The following GSN variants were observed in gnomAD, a reference collection of about 807,000 sequenced individuals.
The protein encoded by GSN is actin-depolymerizing factor.
Under a neutral mutation model 85.7 loss-of-function variants are expected in GSN, and 56 were observed. That is an observed-to-expected ratio of 0.65 (90% CI 0.53 to 0.82). The LOEUF is 0.82. Among genes scored for constraint, GSN ranks in the 40% least tolerant of loss-of-function variants. The pLI is 0.00. For synonymous variants in GSN, 373 were observed against 399.1 expected (o/e 0.93, Z 0.78); for missense variants, 857 against 979.8 (o/e 0.87, Z 1.67).
intron 1 of GSN, 35 bp downstream of exon 1, chr9:121,268,254 T>TGGG (rs1374917809): frequency 6.6e-6 from 1 of 151,928 alleles, no homozygotes; most frequent in African/African-American, 2.4e-5. Context: ...CCCGGGCATC[T>TGGG]GGGGGTCCCG....
intron 1 of GSN, among the ~76,000 whole-genome samples, chr9:121,273,474 C>A (rs185656124): frequency 6.6e-6 from 1 of 152,054 alleles, no homozygotes; most frequent in Non-Finnish European, 1.5e-5. Context: ...CTTTTCCCCC[C>A]ACCCTTATTA....
At chr9:121,317,349 T>C (rs1176209274) in intron 8 of GSN, 131 bp downstream of exon 8, 7 of 1,039,456 alleles carry the variant, frequency 6.7e-6, no homozygotes, top group Non-Finnish European at 7.5e-6. Context: ...AGTCTTGGGC[T>C]GAGGCCTTGG....
At chr9:121,302,195 C>T (rs1398729349) in intron 3 of GSN, 28 bp downstream of exon 3, 2 of 1,612,022 alleles carry the variant, frequency 1.2e-6, no homozygotes, top group Non-Finnish European at 1.7e-6. Context: ...CAGCCCCTGC[C>T]CCAGCCCCCA....
intron 4 of GSN, among the ~76,000 whole-genome samples, chr9:121,213,595 T>C (rs55689715): frequency 0.24 from 36,066 of 152,198 alleles, 4,579 homozygotes; most frequent in African/African-American, 0.31. Context: ...ATCCTGACTC[T>C]GCCGTCAGCT....
intron 14 of GSN, among the ~76,000 whole-genome samples, chr9:121,328,250 TAACAG>T (rs2063468148): frequency 6.6e-6 from 1 of 152,198 alleles, no homozygotes; most frequent in Non-Finnish European, 1.5e-5. Context: ...GCTTGATGCT[TAACAG>T]AAATGGTGAA....
chr9:121,281,854 A>G (rs1314609930), intron 2 of GSN: 5 of 471,120 alleles, frequency 1.1e-5, no homozygotes, highest in Non-Finnish European at 2.2e-5. Context: ...TGACTTTAGG[A>G]GAGTTGCTTT....
rs558873177 is a variant in GSN at position 121,318,213 on chromosome 9, C to G, written c.887-193C>G. Among the ~76,000 whole-genome samples the G allele has an allele frequency of 1.3e-5, 2 of 152,306 alleles. No homozygotes were observed. The highest frequency in any genetic ancestry group is 4.8e-5 in the African/African-American group (2 of 41,556). On this transcript the variant is annotated intron_variant, in intron 8 of 17. Coordinates refer to ENST00000432226, the MANE Select transcript of GSN (RefSeq NM_198252.3). This position sits in a 1 kb window ranked among gnomAD's most constrained non-coding sequence, Gnocchi z 4.3. ...CACAGTAGTGTTGTGATTGGTGTCA[C>G]TGGCCAGCCCCAGGCTGGACACCAG...
chr9:121,202,141 A>C, the GSN span, among the ~76,000 whole-genome samples: 1 of 152,222 alleles, frequency 6.6e-6, no homozygotes, highest in Non-Finnish European at 1.5e-5. Context: ...GCTACTGCGC[A>C]GGTCTGCGTG....
At chr9:121,257,584 G>A (rs1385297648) in intron 6 of GSN, among the ~76,000 whole-genome samples, 1 of 152,178 alleles carries the variant, frequency 6.6e-6, no homozygotes, top group Non-Finnish European at 1.5e-5. Context: ...AGAAAACTGA[G>A]GCTCACCCAG....
intron 1 of GSN, among the ~76,000 whole-genome samples, chr9:121,273,398 A>G (rs2056253773): frequency 6.6e-6 from 1 of 152,088 alleles, no homozygotes; most frequent in African/African-American, 2.4e-5. Context: ...AATACTAGTT[A>G]ACTTGTTGGG....
At chr9:121,204,098 C>G (rs1395020927), upstream of GSN, among the ~76,000 whole-genome samples, 1 of 152,178 alleles carries the variant, frequency 6.6e-6, no homozygotes, top group Non-Finnish European at 1.5e-5. Context: ...GAAGGGAGAT[C>G]TTTATGTATA....
intron 2 of GSN, among the ~76,000 whole-genome samples, chr9:121,295,610 C>T (rs2059137740): frequency 6.6e-6 from 1 of 152,214 alleles, no homozygotes; most frequent in East Asian, 1.9e-4. Context: ...GGTAGGGGGT[C>T]CCGCAGACAT....
chr9:121,273,611 G>A (rs1588593029), intron 1 of GSN, among the ~76,000 whole-genome samples: 1 of 152,064 alleles, frequency 6.6e-6, no homozygotes, highest in African/African-American at 2.4e-5. Context: ...GATATTTTCA[G>A]TGCATTTTTT....
chr9:121,236,267 T>C (rs903820667), intron 5 of GSN, among the ~76,000 whole-genome samples: 4 of 152,320 alleles, frequency 2.6e-5, no homozygotes, highest in African/African-American at 9.6e-5. Flanking sequence ...TTGCCTAGGC[T>C]GGAGTGCAGT....
intron 4 of GSN, among the ~76,000 whole-genome samples, chr9:121,305,829 C>G (rs539797679): frequency 6.6e-6 from 1 of 152,212 alleles, no homozygotes; most frequent in Non-Finnish European, 1.5e-5. Flanking sequence ...CTTGGCAGGT[C>G]CAGCCCAAGG....
chr9:121,247,517 A>G (rs2132225128), intron 5 of GSN, among the ~76,000 whole-genome samples: 1 of 152,350 alleles, frequency 6.6e-6, no homozygotes, highest in South Asian at 2.1e-4. Flanking sequence ...GTTTTTCTTC[A>G]TCTTCCATTG....
At chr9:121,285,989 A>G in intron 2 of GSN, 6 of 778,316 alleles carry the variant, frequency 7.7e-6, no homozygotes. Context: ...TGTGTTGAGG[A>G]GAAGAACCAT....
intron 2 of GSN, among the ~76,000 whole-genome samples, chr9:121,287,782 C>T (rs1214813088): frequency 6.6e-6 from 1 of 151,634 alleles, no homozygotes; most frequent in Non-Finnish European, 1.5e-5. Flanking sequence ...ATAATTCACT[C>T]AATTCAATAA....
chr9:121,262,509 G>A (rs1445248112), intron 6 of GSN, among the ~76,000 whole-genome samples: 1 of 152,174 alleles, frequency 6.6e-6, no homozygotes, highest in Non-Finnish European at 1.5e-5. Flanking sequence ...CACTGTCATA[G>A]GGCCAGCTCT....
Sources: allele counts gnomAD v4.1 joint callset (sites outside exome capture counted in the v4.1 genomes callset), GRCh38; gene constraint gnomAD v4.1.1; non-coding constraint Gnocchi (gnomAD v3.1); transcripts MANE v1.5; gene names NCBI Gene and HGNC (gene_info 2026-07-23, HGNC 2026-07-21).